Variants in RUNX1 observed in about 807,000 individuals in gnomAD.
RUNX1 encodes runt-related transcription factor 1.
A neutral mutation model predicts 42.8 loss-of-function variants in RUNX1; 19 were observed. That is an observed-to-expected ratio of 0.44 (90% confidence interval 0.31 to 0.65). The LOEUF (loss-of-function observed/expected upper bound fraction) is 0.65, where lower values mean the gene tolerates loss of function less well. Among genes scored for constraint, RUNX1 ranks in the 30% least tolerant of loss-of-function variants. The pLI is 0.07. For synonymous variants in RUNX1, 271 were observed against 289.4 expected (o/e 0.94, Z 0.64); for missense variants, 528 against 672.0 (o/e 0.79, Z 2.37).
intron 2 of RUNX1, among the ~76,000 whole-genome samples, chr21:34,993,586 G>GAC (rs987795440): frequency 5.0e-5 from 3 of 59,784 alleles, no homozygotes; most frequent in Non-Finnish European, 7.1e-5. Context: ...CACACACACA[G>GAC]ACACACACAC....
intron 6 of RUNX1, among the ~76,000 whole-genome samples, chr21:34,856,090 G>A (rs1376794658): frequency 6.6e-6 from 1 of 152,146 alleles, no homozygotes; most frequent in Non-Finnish European, 1.5e-5. Flanking sequence ...TCCCTTTGGC[G>A]TATACTTTTG....
intron 6 of RUNX1, among the ~76,000 whole-genome samples, chr21:34,839,431 A>C (rs2057199057): frequency 6.6e-6 from 1 of 152,206 alleles, no homozygotes; most frequent in Non-Finnish European, 1.5e-5. Context: ...ATGTACACTC[A>C]GTGCACCTAG....
chr21:34,903,828 C>A (rs992394038), intron 2 of RUNX1, among the ~76,000 whole-genome samples: 1 of 151,946 alleles, frequency 6.6e-6, no homozygotes, highest in Admixed American at 6.6e-5. Context: ...CATGAAATTG[C>A]CATAGTTTAC....
At chr21:34,904,981 GA>G (rs2058206604) in intron 2 of RUNX1, among the ~76,000 whole-genome samples, 1 of 112,536 alleles carries the variant, frequency 8.9e-6, no homozygotes, top group Non-Finnish European at 1.7e-5. Flanking sequence ...AAGGAGGAAA[GA>G]AGAAAACTTT....
At chr21:35,019,646 C>A (rs1239442640) in intron 2 of RUNX1, among the ~76,000 whole-genome samples, 1 of 152,182 alleles carries the variant, frequency 6.6e-6, no homozygotes, top group Non-Finnish European at 1.5e-5. Flanking sequence ...GCACCTCACA[C>A]AGGATCACAC....
At chr21:35,042,055 G>A (rs2236432) in intron 2 of RUNX1, among the ~76,000 whole-genome samples, 13,209 of 152,242 alleles carry the variant, frequency 0.087, 1,840 homozygotes, top group African/African-American at 0.29. Flanking sequence ...ACAGCAAGGT[G>A]TGGTGGCTCT....
In RUNX1 at chr21:34,967,951, TG is replaced by T. The variant is rs1201298558; in HGVS notation, c.59-74989del. ...GTGGCTGAGGCAACTAGAGAAACAG[TG>T]GACGCCTCCCTGGCCCCACTTCCCA... On this transcript the variant is annotated intron_variant, in intron 2 of 8. Coordinates refer to ENST00000675419, the MANE Select transcript of RUNX1 (RefSeq NM_001754.5). Among the ~76,000 whole-genome samples, 3 of 152,210 alleles carry T rather than the reference TG, an allele frequency of 2.0e-5. No homozygotes were observed. In the East Asian group the frequency reaches 5.8e-4, roughly 29 times the overall value.
chr21:35,001,933 A>G (rs2059047449), intron 2 of RUNX1, among the ~76,000 whole-genome samples: 1 of 152,164 alleles, frequency 6.6e-6, no homozygotes, highest in South Asian at 2.1e-4. Flanking sequence ...TAAATTTTAA[A>G]CAAGGAGGCA....
intron 4 of RUNX1, among the ~76,000 whole-genome samples, chr21:34,885,652 A>G (rs536353155): frequency 6.6e-6 from 1 of 152,244 alleles, no homozygotes; most frequent in Admixed American, 6.5e-5. Context: ...TAAAAAGTGA[A>G]TATTCGTCGT....
intron 2 of RUNX1, among the ~76,000 whole-genome samples, chr21:35,043,589 T>G (rs149473012): frequency 1.0e-3 from 156 of 152,354 alleles, no homozygotes; most frequent in African/African-American, 3.5e-3. Flanking sequence ...TTATGGTACC[T>G]CTTTCTGATG....
chr21:34,998,163 ATCTTTGCTGCCCTCGTT>A (rs2059011046), intron 2 of RUNX1, among the ~76,000 whole-genome samples: 2 of 152,282 alleles, frequency 1.3e-5, no homozygotes, highest in South Asian at 4.1e-4. Context: ...CAATATTAAT[ATCTTTGCTGCCCTCGTT>A]TCCTCTCAAG....
intron 2 of RUNX1, among the ~76,000 whole-genome samples, chr21:34,986,788 G>A (rs1026312944): frequency 2.1e-4 from 32 of 151,998 alleles, no homozygotes; most frequent in African/African-American, 7.5e-4. Flanking sequence ...AAATGCCAGC[G>A]CCTTGATCTT....
At chr21:34,795,213 G>C (rs1040652605) in intron 8 of RUNX1, among the ~76,000 whole-genome samples, 1 of 152,186 alleles carries the variant, frequency 6.6e-6, no homozygotes, top group Admixed American at 6.5e-5. Context: ...AGAGCCAAAA[G>C]CTTGCTCTGA....
intron 2 of RUNX1, among the ~76,000 whole-genome samples, chr21:34,996,652 T>C (rs71329091): frequency 6.6e-6 from 1 of 152,060 alleles, no homozygotes; most frequent in Non-Finnish European, 1.5e-5. Context: ...CTCTCTATTG[T>C]TCTCTCCTAC....
chr21:34,903,668 T>C (rs2058195036), intron 2 of RUNX1, among the ~76,000 whole-genome samples: 2 of 152,182 alleles, frequency 1.3e-5, no homozygotes, highest in Admixed American at 6.5e-5. Context: ...AAATAATAAA[T>C]TGCCAAATAT....
chr21:34,876,155 A>G (rs2057810164), intron 5 of RUNX1, among the ~76,000 whole-genome samples: 1 of 152,232 alleles, frequency 6.6e-6, no homozygotes, highest in Non-Finnish European at 1.5e-5. Context: ...GGGTGTGGAC[A>G]CAGTACGAGG....
chr21:34,920,984 G>T (rs180910041), intron 2 of RUNX1, among the ~76,000 whole-genome samples: 11 of 152,162 alleles, frequency 7.2e-5, no homozygotes, highest in Admixed American at 5.9e-4. Flanking sequence ...TCAGCCTCCT[G>T]AGTAGCTGGG....
intron 2 of RUNX1, among the ~76,000 whole-genome samples, chr21:34,972,627 C>T (rs544386363): frequency 8.5e-5 from 13 of 152,266 alleles, no homozygotes; most frequent in African/African-American, 1.4e-4. Flanking sequence ...AAACATTTCT[C>T]TTGATTGATC....
At chr21:34,875,570 G>A (rs530448375) in intron 5 of RUNX1, among the ~76,000 whole-genome samples, 1 of 152,266 alleles carries the variant, frequency 6.6e-6, no homozygotes, top group African/African-American at 2.4e-5. Flanking sequence ...CTCTCCAGGA[G>A]ATCTGACTGC....
Sources: allele counts gnomAD v4.1 joint callset (sites outside exome capture counted in the v4.1 genomes callset), GRCh38; gene constraint gnomAD v4.1.1; transcripts MANE v1.5; gene names NCBI Gene and HGNC (gene_info 2026-07-23, HGNC 2026-07-21).